The following TDRD7 variants were observed in gnomAD, a reference collection of about 807,000 sequenced individuals.
The protein encoded by TDRD7 is tudor domain-containing protein 7.
TDRD7 carries 47 observed loss-of-function variants against 109.8 expected under a neutral mutation model. That is an observed-to-expected ratio of 0.43 (90% CI 0.34 to 0.55). The LOEUF is 0.55. Ranked by LOEUF, TDRD7 falls within the 20% of genes least tolerant of loss-of-function variation. TDRD7 has a pLI of 0.03. For synonymous variants in TDRD7, 424 were observed against 457.3 expected, an observed-to-expected ratio of 0.93 and a Z score of 0.93; for missense variants, 1,164 against 1,319.2, an observed-to-expected ratio of 0.88 and a Z score of 1.82.
chr9:97,432,587 C>T (rs1828123382), intron 4 of TDRD7, among the ~76,000 whole-genome samples: 1 of 152,116 alleles, frequency 6.6e-6, no homozygotes, highest in Admixed American at 6.5e-5. Flanking sequence ...TCAGACACTC[C>T]ACTGTGCTGC....
chr9:97,494,414 G>A (rs914626064), intron 16 of TDRD7, among the ~76,000 whole-genome samples: 1 of 152,170 alleles, frequency 6.6e-6, no homozygotes, highest in Non-Finnish European at 1.5e-5. Flanking sequence ...GAGCCATACT[G>A]TGGAATCATC....
chr9:97,487,136 T>A, intron 15 of TDRD7, 36 bp from the exon 16 acceptor site: 1 of 1,611,116 alleles, frequency 6.2e-7, no homozygotes, highest in South Asian at 1.1e-5. Flanking sequence ...TGAGTTTATG[T>A]GTTTTCTCTT....
chr9:97,416,593 G>A (rs963845035), intron 1 of TDRD7, among the ~76,000 whole-genome samples: 9 of 152,168 alleles, frequency 5.9e-5, no homozygotes, highest in Non-Finnish European at 1.3e-4. Context: ...GGCTCAGAGT[G>A]GACATGCTCA....
intron 1 of TDRD7, among the ~76,000 whole-genome samples, chr9:97,415,216 A>G (rs1411819656): frequency 1.3e-5 from 2 of 152,266 alleles, no homozygotes; most frequent in African/African-American, 2.4e-5. Flanking sequence ...GTAGTAAGGA[A>G]GATGAGCCAA....
chr9:97,460,161 T>A lies in TDRD7; in HGVS notation c.856-17T>A, dbSNP rs1828684383. 2 of 1,609,846 alleles carry A rather than the reference T, an allele frequency of 1.2e-6. No individual in the cohort carries two copies. Among genetic ancestry groups the A allele is most frequent in the Non-Finnish European group, 1.7e-6 (2 of 1,176,124 alleles). On this transcript the variant is annotated splice_polypyrimidine_tract_variant and intron_variant, in intron 6 of 16. Transcript: ENST00000355295. ...GTCACTGAAATATCTGTCATTTGCTTTATTTAAAAATTTCAGGTGGAGAAA... is the reference window on the plus strand; with the variant it reads ...GTCACTGAAATATCTGTCATTTGCTATATTTAAAAATTTCAGGTGGAGAAA...
At chr9:97,463,219 G>A (rs1828758594) in intron 7 of TDRD7, among the ~76,000 whole-genome samples, 1 of 151,970 alleles carries the variant, frequency 6.6e-6, no homozygotes, top group Non-Finnish European at 1.5e-5. Context: ...TCCAACCTAG[G>A]TAACACAGCA....
rs1443813745 is a variant in TDRD7, at chr9:97,483,536, G to A, written c.2915+185G>A. ...ATGTCACTTATCAAAAAATCTATTGGCCATATTCCTGTTAAAACCCAATTA... is the reference window on the plus strand; with the variant it reads ...ATGTCACTTATCAAAAAATCTATTGACCATATTCCTGTTAAAACCCAATTA... On this transcript the variant is annotated intron_variant, in intron 15 of 16. Transcript: ENST00000355295. 3.3e-5 allele frequency among the ~76,000 whole-genome samples: 5 copies of A among 151,916 alleles called. No homozygotes were observed. The East Asian group carries it at 9.7e-4, about 29-fold the overall frequency.
At chr9:97,450,270 T>C (rs1044012649) in intron 6 of TDRD7, among the ~76,000 whole-genome samples, 1 of 151,902 alleles carries the variant, frequency 6.6e-6, no homozygotes, top group Admixed American at 6.6e-5. Flanking sequence ...AAAGAGAAAA[T>C]TACAGAGCCA....
chr9:97,432,389 C>A, intron 4 of TDRD7, 151 bp downstream of exon 4: 1 of 717,590 alleles, frequency 1.4e-6, no homozygotes, highest in East Asian at 2.7e-5. Flanking sequence ...TCACTTCTAG[C>A]TGCCTGAACA....
chr9:97,458,312 T>G (rs1160781051), intron 6 of TDRD7, among the ~76,000 whole-genome samples: 1 of 152,232 alleles, frequency 6.6e-6, no homozygotes, highest in African/African-American at 2.4e-5. Context: ...CTTATAATGC[T>G]GTTTTCCTTA....
At chr9:97,453,753 GTC>G (rs1374872891) in intron 6 of TDRD7, among the ~76,000 whole-genome samples, 1 of 152,140 alleles carries the variant, frequency 6.6e-6, no homozygotes, top group African/African-American at 2.4e-5. Flanking sequence ...TGCAATCCTA[GTC>G]TCTGACAAAA....
At position 97,480,939 on chromosome 9, in the gene TDRD7, G is replaced by C. The variant is rs1437194699; in HGVS notation, c.2412+1G>C. On this transcript the variant is annotated splice_donor_variant, in intron 14 of 16. Transcript: ENST00000355295. LOFTEE classifies it high-confidence loss of function. ...GAATTGCTCGGACTGTAGCATTAAG[G>C]TTAGCTATCTTGTTGGGCCTGATAC... is the stretch of plus-strand genomic sequence containing the variant. 1 of 1,613,086 alleles carries C rather than the reference G, an allele frequency of 6.2e-7. No individual in the cohort carries two copies. The highest frequency in any genetic ancestry group is 8.5e-7 in the Non-Finnish European group (1 of 1,179,096).
At chr9:97,429,348 GC>G (rs968963817) in intron 2 of TDRD7, among the ~76,000 whole-genome samples, 3 of 152,126 alleles carry the variant, frequency 2.0e-5, no homozygotes, top group African/African-American at 7.2e-5. Context: ...CCATTGTACA[GC>G]ATAATAGATA....
Position 97,431,043 on chromosome 9 carries a change from A to G in TDRD7, c.318A>G (p.Arg106=), listed in dbSNP as rs147220889. 1.9e-4 allele frequency: 312 copies of G among 1,613,926 alleles called. 3 individuals carry two copies. The highest frequency in any genetic ancestry group is 2.6e-5 in the Non-Finnish European group (31 of 1,179,854). ...KTGRQVNCQM[R]VKKTMPFFLE... is the part of the protein sequence containing the mutation. ...GGCGTCAAGTTAATTGTCAGATGAG[A>G]GTGAAGAAAACCATGCCATTTTTTC... Residue 106 remains arginine, a synonymous_variant, in exon 3 of 17, where the codon AGA becomes AGG. Coordinates refer to ENST00000355295, the MANE Select transcript of TDRD7 (RefSeq NM_014290.3).
intron 4 of TDRD7, among the ~76,000 whole-genome samples, chr9:97,435,447 T>C (rs1342076854): frequency 5.5e-5 from 8 of 146,596 alleles, no homozygotes; most frequent in Admixed American, 4.8e-4. Context: ...CTGGGCAACA[T>C]GGTGAGACCT....
At chr9:97,456,410 C>A (rs1384750206) in intron 6 of TDRD7, among the ~76,000 whole-genome samples, 1 of 152,218 alleles carries the variant, frequency 6.6e-6, no homozygotes, top group Non-Finnish European at 1.5e-5. Flanking sequence ...ATCACACTAT[C>A]TGACTTCAGA....
intron 1 of TDRD7, among the ~76,000 whole-genome samples, chr9:97,422,014 AG>A (rs1176312492): frequency 6.6e-6 from 1 of 152,176 alleles, no homozygotes; most frequent in African/African-American, 2.4e-5. Context: ...TATAATATGA[AG>A]TTCATTATTT....
chr9:97,456,291 C>T (rs1481802395), intron 6 of TDRD7, among the ~76,000 whole-genome samples: 6 of 152,156 alleles, frequency 3.9e-5, no homozygotes, highest in Non-Finnish European at 7.3e-5. Flanking sequence ...ATCAAACTAC[C>T]ATTGACATTC....
chr9:97,484,374 G>A (rs948699118), intron 15 of TDRD7, among the ~76,000 whole-genome samples: 4 of 152,092 alleles, frequency 2.6e-5, no homozygotes, highest in Middle Eastern at 3.4e-3. Flanking sequence ...CTGGGAAATG[G>A]CACAATGCCC....
Sources: allele counts gnomAD v4.1 joint callset (sites outside exome capture counted in the v4.1 genomes callset), GRCh38; gene constraint gnomAD v4.1.1; transcripts MANE v1.5; gene names NCBI Gene and HGNC (gene_info 2026-07-23, HGNC 2026-07-21).